The following SYT1 variants were observed in gnomAD, a reference collection of about 807,000 sequenced individuals.
SYT1 encodes the protein synaptotagmin-1.
SYT1 carries 8 observed loss-of-function variants against 44.8 expected under a neutral mutation model. That is an observed-to-expected ratio of 0.18 (90% CI 0.10 to 0.32). The LOEUF is 0.32. SYT1 is among the 10% of genes least tolerant of loss of function. The pLI is 1.00. For synonymous variants in SYT1, 154 were observed against 188.8 expected, an observed-to-expected ratio of 0.82 and a Z score of 1.51; for missense variants, 286 against 509.3, an observed-to-expected ratio of 0.56 and a Z score of 4.22.
At chr12:78,955,800 T>TTGTGTGTGTGTGTGTGTG (rs60111282) in intron 1 of SYT1, among the ~76,000 whole-genome samples, 2 of 138,700 alleles carry the variant, frequency 1.4e-5, no homozygotes, top group African/African-American at 5.4e-5. Context: ...GCCAAGATAT[T>TTGTGTGTGTGTGTGTGTG]TGTGTGTGTG....
At chr12:79,442,476 C>A (rs1451932671) in intron 9 of SYT1, among the ~76,000 whole-genome samples, 3 of 151,956 alleles carry the variant, frequency 2.0e-5, no homozygotes, top group Non-Finnish European at 4.4e-5. Context: ...TCATTATGAT[C>A]TCCTGGACTG....
At chr12:79,422,849 G>T (rs895070259) in intron 9 of SYT1, among the ~76,000 whole-genome samples, 2 of 151,986 alleles carry the variant, frequency 1.3e-5, no homozygotes, top group Admixed American at 1.3e-4. Context: ...TAATCTAGGT[G>T]CTGGAAGTAA....
At chr12:79,437,117 C>T (rs1870134536) in intron 9 of SYT1, among the ~76,000 whole-genome samples, 1 of 152,106 alleles carries the variant, frequency 6.6e-6, no homozygotes, top group Non-Finnish European at 1.5e-5. Context: ...TAAGTGCCTA[C>T]CATGAGTACA....
chr12:79,396,964 T>G (rs149170158), intron 9 of SYT1, among the ~76,000 whole-genome samples: 311 of 152,264 alleles, frequency 2.0e-3, no homozygotes, highest in African/African-American at 6.8e-3. Context: ...ACAAGTTTCT[T>G]TAAAAAGGTA....
At chr12:79,171,022 G>C (rs549447073) in intron 3 of SYT1, among the ~76,000 whole-genome samples, 118 of 151,842 alleles carry the variant, frequency 7.8e-4, no homozygotes, top group Non-Finnish European at 1.0e-3. Context: ...TTTTATTTCC[G>C]GATTCTCTAT....
chr12:79,277,245 A>G (rs1878786577), intron 4 of SYT1, among the ~76,000 whole-genome samples: 1 of 152,178 alleles, frequency 6.6e-6, no homozygotes, highest in South Asian at 2.1e-4. Flanking sequence ...AGACAAAATA[A>G]CTTATAAAAG....
chr12:79,026,667 T>TTATATTTATATATA (rs1872548623), intron 2 of SYT1, among the ~76,000 whole-genome samples: 1 of 102,280 alleles, frequency 9.8e-6, no homozygotes, highest in Admixed American at 1.1e-4. Flanking sequence ...CATATATATT[T>TTATATTTATATATA]TATATATATA....
chr12:78,939,787 C>G (rs945345227), intron 1 of SYT1, among the ~76,000 whole-genome samples: 1 of 152,138 alleles, frequency 6.6e-6, no homozygotes, highest in Admixed American at 6.5e-5. Context: ...CTTCTACAGT[C>G]TCAGATCAGC....
rs191730491 is a variant in SYT1, at chr12:79,320,977, A to C, written c.810+21426A>C. On this transcript the variant is annotated intron_variant, in intron 8 of 10. Coordinates refer to ENST00000261205, the MANE Select transcript of SYT1 (RefSeq NM_005639.3). ...ACCACCACTGCAAACCCCCAAACCC[A>C]ACCCATTCTACCTGCTGGCTTGTGC... Among the ~76,000 whole-genome samples, 1,238 of 151,906 alleles carry C rather than the reference A, an allele frequency of 8.1e-3. 11 individuals carry two copies. The highest frequency in any genetic ancestry group is 0.028 in the African/African-American group (1,170 of 41,434).
At chr12:78,937,442 G>A (rs1311026972) in intron 1 of SYT1, among the ~76,000 whole-genome samples, 2 of 152,054 alleles carry the variant, frequency 1.3e-5, no homozygotes, top group Non-Finnish European at 1.5e-5. Context: ...TTAAATCAGT[G>A]AGATTGCATA....
rs181490895 is a variant in SYT1, at chr12:79,224,413, T to G, written c.166+6728T>G. Among the ~76,000 whole-genome samples the G allele has an allele frequency of 1.8e-3, 275 of 152,244 alleles. 2 individuals are homozygous for G. The highest frequency in any genetic ancestry group is 3.5e-3 in the Non-Finnish European group (239 of 68,008). On this transcript the variant is annotated intron_variant, in intron 4 of 10. Coordinates refer to ENST00000261205, the MANE Select transcript of SYT1 (RefSeq NM_005639.3). Reference sequence around the variant, plus strand: ...GAAGGGGAAAAGCATAAAAGGTTGTTATTTTGGGGATGACCAGGGCTGGTT... The same window carrying G: ...GAAGGGGAAAAGCATAAAAGGTTGTGATTTTGGGGATGACCAGGGCTGGTT...
chr12:78,938,084 T>C (rs2068722), intron 1 of SYT1, among the ~76,000 whole-genome samples: 7,223 of 151,528 alleles, frequency 0.048, 213 homozygotes, highest in Admixed American at 0.083. Flanking sequence ...TAATTACAAC[T>C]AGGGCTAAAA....
At chr12:79,189,094 A>G (rs1565846882) in intron 3 of SYT1, among the ~76,000 whole-genome samples, 1 of 152,156 alleles carries the variant, frequency 6.6e-6, no homozygotes, top group African/African-American at 2.4e-5. Flanking sequence ...CTGAGTAAAA[A>G]GATGACTAGA....
rs555932571 is a variant in SYT1 at position 79,409,859 on chromosome 12, A to G, written c.929-34214A>G. Among the ~76,000 whole-genome samples, 4 of 152,250 alleles carry G rather than the reference A, an allele frequency of 2.6e-5. No individual in the cohort carries two copies. In the South Asian group the frequency reaches 8.3e-4, roughly 32 times the overall value. On this transcript the variant is annotated intron_variant, in intron 9 of 10. Transcript: ENST00000261205. ...GAAAGAATCCTACAGAGATGAAAAC[A>G]TGAACATTTGCATTGATTAAAGAGA...
intron 1 of SYT1, among the ~76,000 whole-genome samples, chr12:78,875,046 A>C (rs1039945903): frequency 6.6e-6 from 1 of 151,660 alleles, no homozygotes; most frequent in African/African-American, 2.4e-5. Context: ...ACTTGCGTGT[A>C]AATGAGAATT....
intron 3 of SYT1, among the ~76,000 whole-genome samples, chr12:79,215,558 G>A (rs867558005): frequency 6.6e-5 from 10 of 152,050 alleles, no homozygotes; most frequent in African/African-American, 2.2e-4. Flanking sequence ...GGCCAGGTGC[G>A]GTGGCTCACA....
At chr12:79,044,886 C>T (rs1001943465) in intron 2 of SYT1, among the ~76,000 whole-genome samples, 7 of 152,018 alleles carry the variant, frequency 4.6e-5, no homozygotes, top group African/African-American at 7.2e-5. Context: ...AGTACGCTGC[C>T]GTGTGAGGTG....
intron 9 of SYT1, among the ~76,000 whole-genome samples, chr12:79,400,869 A>G (rs1458116286): frequency 6.6e-6 from 1 of 152,216 alleles, no homozygotes; most frequent in Non-Finnish European, 1.5e-5. Context: ...CTAATCCCAA[A>G]GCAGAATACA....
chr12:79,105,906 A>G (rs1878692871), intron 3 of SYT1, among the ~76,000 whole-genome samples: 1 of 151,964 alleles, frequency 6.6e-6, no homozygotes, highest in Admixed American at 6.6e-5. Context: ...AAAAAAGGCA[A>G]TTTAATTTGT....
Sources: allele counts gnomAD v4.1 joint callset (sites outside exome capture counted in the v4.1 genomes callset), GRCh38; gene constraint gnomAD v4.1.1; transcripts MANE v1.5; gene names NCBI Gene and HGNC (gene_info 2026-07-23, HGNC 2026-07-21).